Variants in IHH observed in about 807,000 individuals in gnomAD.
The protein encoded by IHH is indian hedgehog protein.
A neutral mutation model predicts 29.4 loss-of-function variants in IHH; 9 were observed. The observed-to-expected ratio is 0.31, with a 90% CI of 0.18 to 0.53. IHH has a LOEUF of 0.53. IHH is among the 20% of genes least tolerant of loss of function. The pLI is 0.95. For synonymous variants in IHH, 254 were observed against 252.7 expected (o/e 1.01, Z -0.05); for missense variants, 454 against 578.1 (o/e 0.79, Z 2.20).
In IHH at chr2:219,055,844, G is replaced by A. The variant is rs200082799; in HGVS notation, c.599C>T (p.Thr200Met). ...GGCTCCGGCAGGGAAGCAGCCGCCCGTCTTGGCTGCGGCCGAGTGCTCTGT... is the reference window on the plus strand; with the variant it reads ...GGCTCCGGCAGGGAAGCAGCCGCCCATCTTGGCTGCGGCCGAGTGCTCTGT... Reference protein sequence around the residue: ...VKSEHSAAAKTGGCFPAGAQV... With the variant: ...VKSEHSAAAKMGGCFPAGAQV... Residue 200 changes from threonine to methionine, a missense_variant, in exon 3 of 3, where the codon ACG (threonine) becomes ATG (methionine). This residue lies in a region of IHH where 271 missense variants were observed against 315.9 expected (regional missense o/e 0.86). Transcript: ENST00000295731. The A allele has an allele frequency of 8.1e-6, 13 of 1,609,698 alleles. No homozygotes were observed. The highest frequency in any genetic ancestry group is 1.3e-5 in the African/African-American group (1 of 75,048).
chr2:219,060,453 C>T lies in IHH; in HGVS notation c.15G>A (p.Arg5=). 1 of 1,535,500 alleles carries T rather than the reference C, an allele frequency of 6.5e-7. No homozygotes were observed. The highest frequency in any genetic ancestry group is 8.7e-7 in the Non-Finnish European group (1 of 1,145,368). The change falls in exon 1 of 3, where the codon CGG becomes CGA. Residue 5 remains arginine, a synonymous_variant. Transcript: ENST00000295731. The surrounding 1 kb of genome is among the most constrained non-coding windows in gnomAD (Gnocchi z 8.8). ...GGCAGAAGTGCAGTCGGGGCCGGAG[C>T]CGGGCGGGAGACATGGCCGGGGAGC... MSPA[R]LRPRLHFCLV...
rs146354459 is a variant in IHH, at chr2:219,057,590, T to G, written c.420A>C (p.Ser140=). ...TEGWDEDGHH[S]EESLHYEGRA... is the part of the protein sequence containing the mutation. ...GGCCCTCATAATGCAGGGACTCCTC[T>G]GAGTGGTGGCCGTCCTCGTCCCAGC... The change falls in exon 2 of 3, where the codon TCA becomes TCC. Residue 140 remains serine (S), a synonymous_variant. Coordinates refer to ENST00000295731, the MANE Select transcript of IHH (RefSeq NM_002181.4). The G allele has an allele frequency of 6.2e-7, 1 of 1,613,946 alleles. No individual in the cohort carries two copies. The highest frequency in any genetic ancestry group is 1.3e-5 in the African/African-American group (1 of 74,936).
At position 219,060,392 on chromosome 2, in the gene IHH, A is replaced by G; in HGVS notation, c.76T>C (p.Trp26Arg). The change falls in exon 1 of 3, where the codon TGG becomes CGG. Residue 26 changes from tryptophan (W) to arginine (R), a missense_variant. Trp to Arg is a moderately radical substitution (Grantham distance 101). Coordinates refer to ENST00000295731, the MANE Select transcript of IHH (RefSeq NM_002181.4). The surrounding 1 kb of genome is among the most constrained non-coding windows in gnomAD (Gnocchi z 8.8). ...LLLLLVVPAA[W>R]GCGPGRVVGS... ...ACCACCCGACCCGGCCCGCAGCCCC[A>G]TGCCGCCGGCACCACCAGCAGCAGC... is the stretch of plus-strand genomic sequence containing the variant. 1.2e-6 allele frequency: 2 copies of G among 1,600,394 alleles called. No homozygotes were observed. Among genetic ancestry groups the G allele is most frequent in the Non-Finnish European group, 1.7e-6 (2 of 1,177,320 alleles).
intron 1 of IHH, among the ~76,000 whole-genome samples, chr2:219,058,961 G>C (rs1487082844): frequency 6.6e-6 from 1 of 152,272 alleles, no homozygotes; most frequent in East Asian, 1.9e-4. Context: ...TTGCTCCTTC[G>C]TAGACCCTGC....
At chr2:219,058,794 A>C (rs1400031077) in intron 1 of IHH, 1 of 155,126 alleles carries the variant, frequency 6.4e-6, no homozygotes, top group Non-Finnish European at 1.5e-5. Flanking sequence ...GGGCAGCCCA[A>C]GTCTCAACCT....
At position 219,055,607 on chromosome 2, in the gene IHH, G is replaced by T. The variant is rs776499803; in HGVS notation, c.836C>A (p.Thr279Lys). The T allele has an allele frequency of 6.2e-7, 1 of 1,613,828 alleles. No homozygotes were observed. The highest frequency in any genetic ancestry group is 1.3e-5 in the African/African-American group (1 of 74,946). ...LALTPAHLLF[T>K]ADNHTEPAAR... ...TGCCGGCTCCGTGTGATTGTCAGCC[G>T]TAAAGAGCAGGTGAGCGGGTGTGAG... Residue 279 changes from threonine to lysine, a missense_variant, in exon 3 of 3, where the codon ACG (threonine) becomes AAG (lysine). Around this residue, in one of 3 missense-constraint regions of IHH, gnomAD observed 271 missense variants for 315.9 expected, o/e 0.86. Coordinates refer to ENST00000295731, the MANE Select transcript of IHH (RefSeq NM_002181.4).
intron 2 of IHH, 35 bp from the exon 3 acceptor site, chr2:219,055,900 G>A (rs1201322982): frequency 3.2e-6 from 5 of 1,583,504 alleles, no homozygotes; most frequent in African/African-American, 2.7e-5. Context: ...TGTTACTGCT[G>A]TGCAGCTCAG....
At chr2:219,056,773 A>G (rs1407245575) in intron 2 of IHH, among the ~76,000 whole-genome samples, 1 of 152,144 alleles carries the variant, frequency 6.6e-6, no homozygotes, top group Non-Finnish European at 1.5e-5. Context: ...GGCTGGGTTC[A>G]GTGTAGGTGA....
intron 2 of IHH, 93 bp downstream of exon 2, chr2:219,057,340 T>TCCCC: frequency 7.3e-7 from 1 of 1,371,638 alleles, no homozygotes; most frequent in Non-Finnish European, 9.9e-7. Context: ...CCTGCCTCCA[T>TCCCC]CCCCGGGCGG....
Position 219,059,103 on chromosome 2 carries a change from C to G in IHH, c.315+1050G>C, listed in dbSNP as rs1427844739. On this transcript the variant is annotated intron_variant, in intron 1 of 2. Transcript: ENST00000295731. This position sits in a 1 kb window ranked among gnomAD's most constrained non-coding sequence, Gnocchi z 4.7. ...GTCAATGATTGCCCAGCCCGTGGCC[C>G]GGATCCTTATCTGCATTCCTCGGCG... Among the ~76,000 whole-genome samples the G allele has an allele frequency of 6.6e-6, 1 of 152,226 alleles. No individual in the cohort carries two copies.
chr2:219,060,428 G>T lies in IHH; in HGVS notation c.40C>A (p.Leu14Met). The T allele has an allele frequency of 6.3e-7, 1 of 1,588,768 alleles. No homozygotes were observed. Among genetic ancestry groups the T allele is most frequent in the South Asian group, 1.1e-5 (1 of 90,336 alleles). Residue 14 changes from leucine (L) to methionine (M), a missense_variant, in exon 1 of 3, where the codon CTG (leucine) becomes ATG (methionine). Transcript: ENST00000295731. The surrounding 1 kb of genome is among the most constrained non-coding windows in gnomAD (Gnocchi z 8.8). ...ACCACCAGCAGCAGCAACAGGACCA[G>T]GCAGAAGTGCAGTCGGGGCCGGAGC... is the stretch of plus-strand genomic sequence containing the variant. ...ARLRPRLHFCLVLLLLLVVPA... is the reference protein window; with the variant it reads ...ARLRPRLHFCMVLLLLLVVPA...
rs557425123 is a variant in IHH, at chr2:219,055,398, C to A, written c.1045G>T (p.Ala349Ser). ...GCCAGGTGGTGGTCAGCCACGGCCG[C>A]GAAGCAGGATGCCACCACATCCTCC... is the stretch of plus-strand genomic sequence containing the variant. ...VVEDVVASCF[A>S]AVADHHLAQL... The change falls in exon 3 of 3, where the codon GCG becomes TCG. Residue 349 changes from alanine (A) to serine (S), a missense_variant. Physicochemically the swap from Ala to Ser is moderately conservative, Grantham distance 99 (BLOSUM62 1). Coordinates refer to ENST00000295731, the MANE Select transcript of IHH (RefSeq NM_002181.4). 1.9e-6 allele frequency: 3 copies of A among 1,613,270 alleles called. No homozygotes were observed. Among genetic ancestry groups the A allele is most frequent in the Non-Finnish European group, 2.5e-6 (3 of 1,180,018 alleles).
chr2:219,059,138 GC>G lies in IHH; in HGVS notation c.315+1014del, dbSNP rs1024973152. ...TCTGCATTCCTCGGCGCCCGGCCCG[GC>G]CCGGCCACCAGCCAACCTTCGGCCC... On this transcript the variant is annotated intron_variant, in intron 1 of 2. Coordinates refer to ENST00000295731, the MANE Select transcript of IHH (RefSeq NM_002181.4). This position sits in a 1 kb window ranked among gnomAD's most constrained non-coding sequence, Gnocchi z 4.7. 3.9e-5 allele frequency among the ~76,000 whole-genome samples: 6 copies of G among 152,154 alleles called. No homozygotes were observed. Among genetic ancestry groups the G allele is most frequent in the African/African-American group, 1.4e-4 (6 of 41,428 alleles).
rs773814022 is a variant in IHH at position 219,055,305 on chromosome 2, C to T, written c.1138G>A (p.Gly380Ser). Residue 380 changes from glycine (G) to serine (S), a missense_variant, in exon 3 of 3, where the codon GGT becomes AGT. By Grantham distance (56) the Gly-to-Ser change is moderately conservative. Around this residue, in one of 3 missense-constraint regions of IHH, gnomAD observed 271 missense variants for 315.9 expected, o/e 0.86. Coordinates refer to ENST00000295731, the MANE Select transcript of IHH (RefSeq NM_002181.4). ...AGCAGCTGGGGGTACCAATGCACAC[C>T]CTCCCCCGGAGTCCAGCTGCCCCAT... The part of the protein sequence containing the change: ...LAWGSWTPGE[G>S]VHWYPQLLYR... 16 of 1,612,728 alleles carry T rather than the reference C, an allele frequency of 9.9e-6. No individual in the cohort carries two copies. The highest frequency in any genetic ancestry group is 1.0e-5 in the Non-Finnish European group (12 of 1,179,810).
Position 219,057,622 on chromosome 2 carries a change from T to A in IHH, c.388A>T (p.Thr130Ser). ...NQWPGVKLRVTEGWDEDGHHS... is the reference protein window; with the variant it reads ...NQWPGVKLRVSEGWDEDGHHS... Reference sequence around the variant, plus strand: ...TGGCCGTCCTCGTCCCAGCCCTCGGTCACCCGCAGCTTCACACCGGGCCAC... The same window carrying A: ...TGGCCGTCCTCGTCCCAGCCCTCGGACACCCGCAGCTTCACACCGGGCCAC... Residue 130 changes from threonine (T) to serine (S), a missense_variant, in exon 2 of 3, where the codon ACC becomes TCC. Coordinates refer to ENST00000295731, the MANE Select transcript of IHH (RefSeq NM_002181.4). The A allele has an allele frequency of 6.2e-7, 1 of 1,613,604 alleles. No homozygotes were observed. Among genetic ancestry groups the A allele is most frequent in the Non-Finnish European group, 8.5e-7 (1 of 1,180,008 alleles).
Position 219,059,680 on chromosome 2 carries a change from C to G in IHH, c.315+473G>C, listed in dbSNP as rs1180715095. ...TCCTGGAAGGGGCAGCCCGTAGAAC[C>G]AAGAGCGCACAGGGAGGAAAGGCCG... On this transcript the variant is annotated intron_variant, in intron 1 of 2. Transcript: ENST00000295731. The surrounding 1 kb of genome is among the most constrained non-coding windows in gnomAD (Gnocchi z 4.7). Among the ~76,000 whole-genome samples the G allele has an allele frequency of 6.6e-6, 1 of 152,188 alleles. No homozygotes were observed. Among genetic ancestry groups the G allele is most frequent in the African/African-American group, 2.4e-5 (1 of 41,464 alleles).
At position 219,055,795 on chromosome 2, in the gene IHH, C is replaced by T. The variant is rs778958118; in HGVS notation, c.648G>A (p.Ala216=). ...GCCTCACGGCTGACAAGGCCACACG[C>T]GCCCCACTCTCCAGGCGTACCTGGG... ...AGAQVRLESG[A]RVALSAVRPG... The change falls in exon 3 of 3, where the codon GCG becomes GCA. Residue 216 remains alanine (A), a synonymous_variant. Transcript: ENST00000295731. The T allele has an allele frequency of 4.8e-5, 78 of 1,613,012 alleles. No homozygotes were observed. Among genetic ancestry groups the T allele is most frequent in the Non-Finnish European group, 2.9e-5 (34 of 1,179,994 alleles).
rs1365801016 is a variant in IHH at position 219,054,675 on chromosome 2, AAC to A, written c.*530_*531del. ...ACACAGAACTCTGCCCACAGACAGC[AAC>A]AGTCTCTGGATGTGTCTTGAGGAGT... On this transcript the variant is annotated 3_prime_UTR_variant, in exon 3 of 3. Transcript: ENST00000295731. 1 of 156,598 alleles carries A rather than the reference AAC, an allele frequency of 6.4e-6. No individual in the cohort carries two copies. The highest frequency in any genetic ancestry group is 2.4e-5 in the African/African-American group (1 of 41,490). The allele number at this position is 156,598 out of a possible 1,614,324, so 9.7% of individuals were successfully genotyped here. A position where few individuals can be genotyped will look rare whatever the true frequency, so the allele number is the denominator to read the frequency against.
Position 219,055,795 on chromosome 2 carries a change from C to A in IHH, c.648G>T (p.Ala216=). 1 of 1,613,132 alleles carries A rather than the reference C, an allele frequency of 6.2e-7. No homozygotes were observed. Among genetic ancestry groups the A allele is most frequent in the South Asian group, 1.1e-5 (1 of 91,082 alleles). ...AGAQVRLESG[A]RVALSAVRPG... is the part of the protein sequence containing the mutation. Reference sequence around the variant, plus strand: ...GCCTCACGGCTGACAAGGCCACACGCGCCCCACTCTCCAGGCGTACCTGGG... The same window carrying A: ...GCCTCACGGCTGACAAGGCCACACGAGCCCCACTCTCCAGGCGTACCTGGG... The change falls in exon 3 of 3, where the codon GCG becomes GCT. Residue 216 remains alanine (A), a synonymous_variant. Coordinates refer to ENST00000295731, the MANE Select transcript of IHH (RefSeq NM_002181.4).
Sources: allele counts gnomAD v4.1 joint callset (sites outside exome capture counted in the v4.1 genomes callset), GRCh38; gene constraint gnomAD v4.1.1; regional missense constraint gnomAD v4.1.1; non-coding constraint Gnocchi (gnomAD v3.1); transcripts MANE v1.5; gene names NCBI Gene and HGNC (gene_info 2026-07-23, HGNC 2026-07-21).